STK3: variants seen among roughly 807,000 people sequenced by gnomAD.
The protein encoded by STK3 is serine/threonine kinase 3.
STK3 carries 41 observed loss-of-function variants against 58.0 expected under a neutral mutation model. The ratio of observed to expected loss-of-function variants is 0.71; its 90% CI spans 0.55 to 0.92. The LOEUF is 0.92. Ranked by LOEUF, STK3 falls within the 40% of genes least tolerant of loss-of-function variation. The pLI, the probability that STK3 is intolerant of heterozygous loss-of-function variation, is 0.00. For missense variants in STK3, 479 were observed against 602.7 expected (o/e 0.79, Z 2.15); for synonymous variants, 170 against 191.0 (o/e 0.89, Z 0.91).
At chr8:98,748,016 T>C (rs1829752668) in intron 4 of STK3, among the ~76,000 whole-genome samples, 1 of 152,210 alleles carries the variant, frequency 6.6e-6, no homozygotes, top group Non-Finnish European at 1.5e-5. Context: ...ACAGTTGTAA[T>C]TATTGGCAAC....
At chr8:98,396,877 C>A (rs1817900883), downstream of STK3, among the ~76,000 whole-genome samples, 1 of 152,176 alleles carries the variant, frequency 6.6e-6, no homozygotes, top group Non-Finnish European at 1.5e-5. Flanking sequence ...CATCCTAGTA[C>A]CATAGATAAG....
downstream of STK3, among the ~76,000 whole-genome samples, chr8:98,396,869 T>A (rs1455682714): frequency 6.6e-6 from 1 of 152,234 alleles, no homozygotes; most frequent in Non-Finnish European, 1.5e-5. Context: ...TGCCATTTCA[T>A]CCTAGTACCA....
intron 1 of STK3, among the ~76,000 whole-genome samples, chr8:98,804,034 C>T (rs963702946): frequency 4.6e-5 from 7 of 151,980 alleles, no homozygotes; most frequent in African/African-American, 1.4e-4. Context: ...CAGAGTCTCA[C>T]TCTGTTGCCT....
intron 6 of STK3, among the ~76,000 whole-genome samples, chr8:98,659,581 G>A (rs1233748588): frequency 6.6e-6 from 1 of 151,574 alleles, no homozygotes; most frequent in Non-Finnish European, 1.5e-5. Context: ...AAGCCTTGAG[G>A]CAGCATTAGG....
intron 6 of STK3, among the ~76,000 whole-genome samples, chr8:98,668,971 T>C (rs539119032): frequency 6.6e-6 from 1 of 150,856 alleles, no homozygotes; most frequent in South Asian, 2.1e-4. Context: ...TGATTACACG[T>C]GCCAAATTAA....
At chr8:98,393,144 C>T (rs566082497), upstream of STK3, among the ~76,000 whole-genome samples, 2 of 152,168 alleles carry the variant, frequency 1.3e-5, no homozygotes, top group Non-Finnish European at 2.9e-5. Context: ...TGAAAGGTCC[C>T]TTGCCCCCTT....
chr8:98,653,433 A>C (rs1277370518), intron 6 of STK3, among the ~76,000 whole-genome samples: 3 of 152,176 alleles, frequency 2.0e-5, no homozygotes, highest in Admixed American at 6.5e-5. Context: ...CTAGAAAAGC[A>C]AGAGCAAACA....
At chr8:98,614,462 T>C (rs1817486973) in intron 6 of STK3, among the ~76,000 whole-genome samples, 1 of 152,154 alleles carries the variant, frequency 6.6e-6, no homozygotes, top group Non-Finnish European at 1.5e-5. Context: ...GGAGCCAAGA[T>C]GGCCGAATAG....
At chr8:98,427,780 T>C (rs868822165) in intron 3 of STK3, 3 of 547,536 alleles carry the variant, frequency 5.5e-6, no homozygotes, top group Non-Finnish European at 9.7e-6. Context: ...CCCCAGCCTT[T>C]CCTGGGAGGG....
intron 6 of STK3, chr8:98,597,227 T>C: frequency 1.1e-6 from 1 of 949,066 alleles, no homozygotes; most frequent in African/African-American, 1.8e-5. Flanking sequence ...TTTAATATAA[T>C]GCATTATCAT....
chr8:98,532,929 T>C (rs1243463586), intron 9 of STK3, among the ~76,000 whole-genome samples: 2 of 152,184 alleles, frequency 1.3e-5, no homozygotes, highest in African/African-American at 4.8e-5. Context: ...GTATAATCCA[T>C]TAAAGTGGTA....
At chr8:98,506,062 G>T (rs1824040776) in intron 10 of STK3, among the ~76,000 whole-genome samples, 2 of 152,342 alleles carry the variant, frequency 1.3e-5, no homozygotes, top group South Asian at 4.1e-4. Flanking sequence ...CCCAGTTTGA[G>T]CTTCCCAGGC....
intron 2 of STK3, among the ~76,000 whole-genome samples, chr8:98,769,402 T>C (rs868770814): frequency 1.3e-5 from 2 of 152,220 alleles, no homozygotes; most frequent in African/African-American, 2.4e-5. Flanking sequence ...GTTTTAAAAA[T>C]GGGAGTTTGT....
intron 10 of STK3, among the ~76,000 whole-genome samples, chr8:98,521,979 A>C (rs974373540): frequency 6.6e-6 from 1 of 152,152 alleles, no homozygotes; most frequent in Non-Finnish European, 1.5e-5. Flanking sequence ...TTGTCCTCTT[A>C]ATAAATCAGT....
chr8:98,879,176 T>C (rs1837701383), downstream of STK3: 1 of 152,248 alleles, frequency 6.6e-6, no homozygotes, highest in South Asian at 2.1e-4. Context: ...TCCTCCTGTA[T>C]ACTTTAAATC....
upstream of STK3, among the ~76,000 whole-genome samples, chr8:98,827,758 A>C (rs1041527130): frequency 6.6e-6 from 1 of 151,884 alleles, no homozygotes; most frequent in African/African-American, 2.4e-5. Context: ...GGGCTCAAGC[A>C]ATCTTCCCAC....
At chr8:98,422,558 T>A (rs577261105) in intron 3 of STK3, among the ~76,000 whole-genome samples, 16 of 152,252 alleles carry the variant, frequency 1.1e-4, no homozygotes, top group African/African-American at 3.4e-4. Context: ...CTGTGACAGA[T>A]CCTAATCTCA....
the STK3 span, among the ~76,000 whole-genome samples, chr8:98,344,850 G>T: frequency 1.6e-5 from 2 of 122,196 alleles, no homozygotes; most frequent in East Asian, 2.4e-4. Context: ...CCGAGATCCC[G>T]CCACTGCACT....
chr8:98,532,219 G>A lies in STK3; in HGVS notation c.1142-5302C>T, dbSNP rs150034069. Among the ~76,000 whole-genome samples the A allele has an allele frequency of 4.1e-3, 631 of 152,236 alleles. 6 individuals are homozygous for A. The highest frequency in any genetic ancestry group is 6.9e-3 in the Non-Finnish European group (470 of 68,024). ...TTTTGATTTAAAGTGAGAGATGTGT[G>A]ACTCTTCCTTTCACTTTAGCACATA... On this transcript the variant is annotated intron_variant, in intron 9 of 10. Coordinates refer to ENST00000419617, the MANE Select transcript of STK3 (RefSeq NM_006281.4).
Sources: allele counts gnomAD v4.1 joint callset (sites outside exome capture counted in the v4.1 genomes callset), GRCh38; gene constraint gnomAD v4.1.1; transcripts MANE v1.5; gene names NCBI Gene and HGNC (gene_info 2026-07-23, HGNC 2026-07-21).